Variants in EP400 observed in about 807,000 individuals in gnomAD.
EP400 encodes E1A-binding protein p400.
In EP400, 105 loss-of-function variants were observed where a neutral mutation model predicts 354.1. That is an observed-to-expected ratio of 0.30 (90% confidence interval 0.25 to 0.35). EP400 has a LOEUF of 0.35. Among genes scored for constraint, EP400 ranks in the 10% least tolerant of loss-of-function variants. The pLI, the probability that EP400 is intolerant of heterozygous loss-of-function variation, is 1.00. For missense variants in EP400, 3,280 were observed against 4,121.0 expected, an observed-to-expected ratio of 0.80 and a Z score of 5.59; for synonymous variants, 1,646 against 1,716.9, an observed-to-expected ratio of 0.96 and a Z score of 1.02.
At chr12:131,952,282 G>A (rs1280704685) in intron 1 of EP400, among the ~76,000 whole-genome samples, 4 of 124,018 alleles carry the variant, frequency 3.2e-5, no homozygotes, top group South Asian at 5.3e-4. Context: ...CAGCCTGGGC[G>A]ACAGAGCGAG....
chr12:132,037,629 T>C, intron 30 of EP400, 53 bp from the exon 31 acceptor site: 1 of 1,428,732 alleles, frequency 7.0e-7, no homozygotes, highest in Non-Finnish European at 9.9e-7. Flanking sequence ...GCCCACCTGT[T>C]GTCACTGTGT....
intron 32 of EP400, among the ~76,000 whole-genome samples, chr12:132,040,659 G>C (rs950319955): frequency 1.3e-5 from 2 of 152,226 alleles, no homozygotes; most frequent in Non-Finnish European, 2.9e-5. Flanking sequence ...AGTAAGGAGA[G>C]AGGCAGAAAC....
chr12:132,079,720 T>G lies in EP400; in HGVS notation c.*2047T>G, dbSNP rs1896328035. The G allele has an allele frequency of 6.6e-6, 1 of 152,246 alleles. No homozygotes were observed. Among genetic ancestry groups the G allele is most frequent in the Admixed American group, 6.5e-5 (1 of 15,286 alleles). 9.4% of individuals were successfully genotyped at this position (152,246 alleles called of 1,614,324 possible). The stretch of plus-strand genomic sequence containing the variant: ...AGAGCTTAATGGGATTCTGAATATT[T>G]GCAATGTGGAGTTTCCGCCCCGATC... On this transcript the variant is annotated 3_prime_UTR_variant, in exon 53 of 53. Transcript: ENST00000389561.
Position 132,065,303 on chromosome 12 carries a change from A to G in EP400, c.8553+417A>G, listed in dbSNP as rs565902734. ...TCTCAGGTGACCGCTGTAGGCAGGG[A>G]GAGCATTTGGAGATTTCAGAAGGGA... is the stretch of plus-strand genomic sequence containing the variant. On this transcript the variant is annotated intron_variant, in intron 48 of 52. Coordinates refer to ENST00000389561, the MANE Select transcript of EP400 (RefSeq NM_015409.5). The G allele has an allele frequency of 3.4e-5, 7 of 206,634 alleles. No homozygotes were observed. The South Asian group carries it at 6.4e-4, about 19-fold the overall frequency. 12.8% of individuals were successfully genotyped at this position (206,634 alleles called of 1,614,324 possible). A position where few individuals can be genotyped will look rare whatever the true frequency, so the allele number is the denominator to read the frequency against.
chr12:132,006,576 TTCTG>T (rs749328417), intron 14 of EP400, 120 bp from the exon 15 acceptor site: 3 of 1,063,756 alleles, frequency 2.8e-6, no homozygotes, highest in Non-Finnish European at 2.6e-6. Context: ...TCTTCCTGTT[TTCTG>T]TAGATCATTT....
At position 132,054,981 on chromosome 12, in the gene EP400, C is replaced by A; in HGVS notation, c.7736C>A (p.Thr2579Asn). Reference sequence around the variant, plus strand: ...TTTTTTTTTTTTAAATAGGCAGGAACCATTAAAACATCAGTTACTGGGACG... The same window carrying A: ...TTTTTTTTTTTTAAATAGGCAGGAAACATTAAAACATCAGTTACTGGGACG... ...TGGSAAVLAG[T>N]IKTSVTGTSM... is the part of the protein sequence containing the mutation. The change falls in exon 44 of 53, where the codon ACC (threonine) becomes AAC (asparagine). Residue 2579 changes from threonine (T) to asparagine (N), a missense_variant. Transcript: ENST00000389561. This position sits in a 1 kb window ranked among gnomAD's most constrained non-coding sequence, Gnocchi z 4.0. The A allele has an allele frequency of 1.2e-6, 2 of 1,613,624 alleles. No homozygotes were observed. The highest frequency in any genetic ancestry group is 1.7e-6 in the Non-Finnish European group (2 of 1,179,864).
Position 132,001,139 on chromosome 12 carries a change from TAAAAG to T in EP400, c.2828-3931_2828-3927del, listed in dbSNP as rs528475336. On this transcript the variant is annotated intron_variant, in intron 12 of 52. Coordinates refer to ENST00000389561, the MANE Select transcript of EP400 (RefSeq NM_015409.5). ...GAAATAAAGACACGAGACAAAGAGA[TAAAAG>T]AAAAGACAGCTGGGCCCAGGGGACC... Among the ~76,000 whole-genome samples, 94 of 152,148 alleles carry T rather than the reference TAAAAG, an allele frequency of 6.2e-4. No individual in the cohort carries two copies. The South Asian group carries it at 6.9e-3, about 11-fold the overall frequency.
At position 132,077,385 on chromosome 12, in the gene EP400, G is replaced by C; in HGVS notation, c.9100-16G>C. ...GTTTCCTGGGCAATGTGTGTTTTCT[G>C]ACTCTCTCGGCTCAGGCTTCTCCAC... is the stretch of plus-strand genomic sequence containing the variant. On this transcript the variant is annotated splice_polypyrimidine_tract_variant and intron_variant, in intron 52 of 52. Coordinates refer to ENST00000389561, the MANE Select transcript of EP400 (RefSeq NM_015409.5). 1.2e-6 allele frequency: 2 copies of C among 1,602,068 alleles called. No homozygotes were observed. Among genetic ancestry groups the C allele is most frequent in the Non-Finnish European group, 8.5e-7 (1 of 1,172,870 alleles).
rs116994198 is a variant in EP400 at position 131,990,342 on chromosome 12, G to A, written c.2550+238G>A. ...GCTGCCCTCTGAGGTGCTTCATGCCGTGGAGGGGCTCTGGGCATTGTTTCA... is the reference window on the plus strand; with the variant it reads ...GCTGCCCTCTGAGGTGCTTCATGCCATGGAGGGGCTCTGGGCATTGTTTCA... On this transcript the variant is annotated intron_variant, in intron 8 of 52. Coordinates refer to ENST00000389561, the MANE Select transcript of EP400 (RefSeq NM_015409.5). The surrounding 1 kb of genome is among the most constrained non-coding windows in gnomAD (Gnocchi z 4.2). Among the ~76,000 whole-genome samples, 874 of 152,334 alleles carry A rather than the reference G, an allele frequency of 5.7e-3. 3 individuals are homozygous for A. Among genetic ancestry groups the A allele is most frequent in the South Asian group, 0.018 (88 of 4,826 alleles).
intron 12 of EP400, among the ~76,000 whole-genome samples, chr12:132,001,274 T>C (rs1259211897): frequency 6.6e-6 from 1 of 152,144 alleles, no homozygotes; most frequent in South Asian, 2.1e-4. Context: ...GTGAGTCATC[T>C]CCAATGATAG....
At chr12:132,071,294 C>T (rs1030150455) in intron 51 of EP400, among the ~76,000 whole-genome samples, 1 of 152,072 alleles carries the variant, frequency 6.6e-6, no homozygotes, top group Non-Finnish European at 1.5e-5. Context: ...GCGAATGATA[C>T]CCAGATTCAT....
Position 132,037,856 on chromosome 12 carries a change from G to GT in EP400, c.6063+64dup, listed in dbSNP as rs1289841424. The stretch of plus-strand genomic sequence containing the variant: ...GCCATGCGGCGCGTGGAATCGCATG[G>GT]TGTTAGTGCACACTAGCAAGGGGCT... On this transcript the variant is annotated intron_variant, in intron 31 of 52. Transcript: ENST00000389561. 15 of 1,610,316 alleles carry GT rather than the reference G, an allele frequency of 9.3e-6. No individual in the cohort carries two copies. In the African/African-American group the frequency reaches 1.5e-4, roughly 16 times the overall value.
intron 5 of EP400, 65 bp downstream of exon 5, chr12:131,982,543 A>C: frequency 1.3e-6 from 2 of 1,526,674 alleles, no homozygotes; most frequent in Non-Finnish European, 1.8e-6. Context: ...CCTGTGTGTT[A>C]GACAGAGTGT....
intron 1 of EP400, among the ~76,000 whole-genome samples, chr12:131,952,085 G>A (rs1038014681): frequency 1.3e-5 from 2 of 151,356 alleles, no homozygotes; most frequent in African/African-American, 4.9e-5. Context: ...ACTGCACCTG[G>A]CCTTTTTTTT....
chr12:132,059,622 G>A (rs1266153170), intron 45 of EP400, among the ~76,000 whole-genome samples: 1 of 152,190 alleles, frequency 6.6e-6, no homozygotes, highest in Non-Finnish European at 1.5e-5. Flanking sequence ...ACTAAACAGA[G>A]AAGAGAAGGC....
intron 15 of EP400, among the ~76,000 whole-genome samples, chr12:132,011,236 T>C (rs1446451694): frequency 1.3e-5 from 2 of 152,202 alleles, no homozygotes; most frequent in Non-Finnish European, 2.9e-5. Context: ...TTGGGACTGC[T>C]CGTTCAATGT....
In EP400 at chr12:131,994,867, T is replaced by C; in HGVS notation, c.2738T>C (p.Val913Ala). The change falls in exon 12 of 53, where the codon GTG becomes GCG. Residue 913 changes from valine (V) to alanine (A), a missense_variant and splice_region_variant. Transcript: ENST00000389561. This position sits in a 1 kb window ranked among gnomAD's most constrained non-coding sequence, Gnocchi z 4.6. ...KASISLTDDE[V>A]DDEEETIEEE... Reference sequence around the variant, plus strand: ...TGACACTTGCTGATAACCATTTTAGTGGACGATGAAGAGGAAACAATTGAA... The same window carrying C: ...TGACACTTGCTGATAACCATTTTAGCGGACGATGAAGAGGAAACAATTGAA... 1.1e-5 allele frequency: 18 copies of C among 1,613,896 alleles called. No homozygotes were observed. Among genetic ancestry groups the C allele is most frequent in the Non-Finnish European group, 1.5e-5 (18 of 1,179,890 alleles).
Position 132,030,151 on chromosome 12 carries a change from A to G in EP400, c.5747A>G (p.Gln1916Arg). ...ATCGATGAAAATGCCAGCAGTGAGC[A>G]ACGGCAGGTGAGAAGCACATTGTTT... ...VRIDENASSE[Q>R]RQELMRSFNR... The change falls in exon 29 of 53, where the codon CAA becomes CGA. Residue 1916 changes from glutamine (Q) to arginine (R), a missense_variant. Transcript: ENST00000389561. 6.2e-7 allele frequency: 1 copy of G among 1,614,232 alleles called. No homozygotes were observed. The highest frequency in any genetic ancestry group is 2.2e-5 in the East Asian group (1 of 44,894).
At chr12:132,012,536 T>C (rs908724367) in intron 16 of EP400, among the ~76,000 whole-genome samples, 7 of 152,230 alleles carry the variant, frequency 4.6e-5, no homozygotes, top group African/African-American at 1.7e-4. Context: ...ACTACCACCA[T>C]GGGCATTAGA....
Sources: allele counts gnomAD v4.1 joint callset (sites outside exome capture counted in the v4.1 genomes callset), GRCh38; gene constraint gnomAD v4.1.1; non-coding constraint Gnocchi (gnomAD v3.1); transcripts MANE v1.5; gene names NCBI Gene and HGNC (gene_info 2026-07-23, HGNC 2026-07-21).